Variants in GFM1 observed in about 807,000 individuals in gnomAD.
GFM1 encodes G elongation factor mitochondrial 1.
A neutral mutation model predicts 96.2 loss-of-function variants in GFM1; 62 were observed. The observed-to-expected ratio is 0.64, with a 90% CI of 0.53 to 0.80. GFM1 has a LOEUF of 0.80. Ranked by LOEUF, GFM1 falls within the 30% of genes least tolerant of loss-of-function variation. The pLI, the probability that GFM1 is intolerant of heterozygous loss-of-function variation, is 0.00. For missense variants in GFM1, 852 were observed against 916.6 expected (o/e 0.93, Z 0.91); for synonymous variants, 282 against 312.9 (o/e 0.90, Z 1.04).
intron 2 of GFM1, 150 bp downstream of exon 2, chr3:158,645,931 T>A: frequency 1.2e-6 from 1 of 867,758 alleles, no homozygotes; most frequent in Non-Finnish European, 1.9e-6. Context: ...TTGCTTAAGT[T>A]AAGTATCTGT....
chr3:158,676,275 A>T (rs896983309), intron 13 of GFM1, among the ~76,000 whole-genome samples: 1 of 152,128 alleles, frequency 6.6e-6, no homozygotes, highest in Admixed American at 6.5e-5. Flanking sequence ...TCAAAAAAAA[A>T]TTTTAGCTTG....
intron 13 of GFM1, chr3:158,671,081 T>C: frequency 1.4e-6 from 2 of 1,397,744 alleles, no homozygotes; most frequent in Non-Finnish European, 1.9e-6. Context: ...ACTTGCATTG[T>C]TAGAAGTATG....
intron 11 of GFM1, 34 bp downstream of exon 11, chr3:158,662,718 A>G (rs780246637): frequency 3.0e-5 from 39 of 1,315,642 alleles, no homozygotes; most frequent in Admixed American, 2.9e-4. Context: ...GTATATCACA[A>G]TTAAAACTTG....
chr3:158,644,591 C>G lies in GFM1; in HGVS notation c.-44C>G, dbSNP rs749029419. 1 of 1,523,484 alleles carries G rather than the reference C, an allele frequency of 6.6e-7. No homozygotes were observed. The highest frequency in any genetic ancestry group is 8.9e-7 in the Non-Finnish European group (1 of 1,123,064). The allele number at this position is 1,523,484 out of a possible 1,614,324, so 94.4% of individuals were successfully genotyped here. On this transcript the variant is annotated 5_prime_UTR_variant, in exon 1 of 18. Transcript: ENST00000486715. ...TCCCGGTGCGTTACCGGCAGCTGAA[C>G]CCACCCGGCGCCACGGGACTTTGAC...
chr3:158,682,921 G>C (rs375105351), intron 14 of GFM1, among the ~76,000 whole-genome samples: 5 of 152,008 alleles, frequency 3.3e-5, no homozygotes, highest in African/African-American at 1.2e-4. Context: ...TGTAGTCCCA[G>C]CTGCTCTGGA....
intron 15 of GFM1, 189 bp downstream of exon 15, chr3:158,684,857 A>G: frequency 3.3e-6 from 2 of 599,958 alleles, no homozygotes; most frequent in South Asian, 2.0e-5. Flanking sequence ...TTGCAAAGCT[A>G]AAAGACTACT....
chr3:158,674,862 G>T (rs1413720920), intron 13 of GFM1, among the ~76,000 whole-genome samples: 1 of 152,126 alleles, frequency 6.6e-6, no homozygotes. Context: ...GTCATTATAT[G>T]TGCAGTCCAG....
chr3:158,650,104 TTCA>T, intron 5 of GFM1: 1 of 1,456,974 alleles, frequency 6.9e-7, no homozygotes, highest in Non-Finnish European at 9.3e-7. Flanking sequence ...AGAATTTATC[TTCA>T]TCAGCCATCT....
chr3:158,649,935 C>T, intron 5 of GFM1: 2 of 1,246,040 alleles, frequency 1.6e-6, no homozygotes, highest in Non-Finnish European at 2.3e-6. Context: ...CTGATCTAGA[C>T]AATGTGAGGA....
rs1726412409 is a variant in GFM1 at position 158,692,779 on chromosome 3, C to T, written c.*1312C>T. Among the ~76,000 whole-genome samples, 2 of 151,900 alleles carry T rather than the reference C, an allele frequency of 1.3e-5. No individual in the cohort carries two copies. The highest frequency in any genetic ancestry group is 1.5e-5 in the Non-Finnish European group (1 of 67,998). On this transcript the variant is annotated 3_prime_UTR_variant, in exon 18 of 18. Coordinates refer to ENST00000486715, the MANE Select transcript of GFM1 (RefSeq NM_024996.7). Reference sequence around the variant, plus strand: ...CTATCTCTGCTCACTACAACCTCTGCTTCCTGGGTTCAAGCAATTATCCCA... The same window carrying T: ...CTATCTCTGCTCACTACAACCTCTGTTTCCTGGGTTCAAGCAATTATCCCA...
At position 158,673,046 on chromosome 3, in the gene GFM1, C is replaced by G. The variant is rs527402295; in HGVS notation, c.1601+6660C>G. 6.2e-4 allele frequency among the ~76,000 whole-genome samples: 94 copies of G among 152,254 alleles called. 1 individual carries two copies. The highest frequency in any genetic ancestry group is 2.2e-3 in the African/African-American group (91 of 41,556). On this transcript the variant is annotated intron_variant, in intron 13 of 17. Transcript: ENST00000486715. ...AGGTAGTGATTCGATTCCTTCATTT[C>G]CCTTCCCCTTATGAGAGTCCAGGAA...
At chr3:158,674,001 C>T (rs1724638960) in intron 13 of GFM1, among the ~76,000 whole-genome samples, 1 of 151,440 alleles carries the variant, frequency 6.6e-6, no homozygotes, top group African/African-American at 2.4e-5. Context: ...CATCTTGTAT[C>T]AAATGTCAAT....
intron 2 of GFM1, 46 bp from the exon 3 acceptor site, chr3:158,646,119 G>A: frequency 6.2e-7 from 1 of 1,612,572 alleles, no homozygotes; most frequent in Non-Finnish European, 8.5e-7. Context: ...TTTCCTTCTT[G>A]GAATGCAGGG....
At chr3:158,650,122 A>G in intron 5 of GFM1, 2 of 1,358,926 alleles carry the variant, frequency 1.5e-6, no homozygotes, top group Non-Finnish European at 2.0e-6. Context: ...CCATCTTGTA[A>G]GCAGGAAAAG....
intron 13 of GFM1, chr3:158,669,622 T>TC: frequency 6.2e-7 from 1 of 1,612,068 alleles, no homozygotes; most frequent in Non-Finnish European, 8.5e-7. Flanking sequence ...TGTTTGAAAT[T>TC]TAGCAAAATA....
chr3:158,681,917 G>A (rs558275501), intron 13 of GFM1, 78 bp from the exon 14 acceptor site: 13 of 1,158,186 alleles, frequency 1.1e-5, no homozygotes, highest in East Asian at 2.6e-5. Context: ...AATCAAATGT[G>A]TTCTTTTAAA....
intron 1 of GFM1, 33 bp from the exon 2 acceptor site, chr3:158,645,596 G>T (rs759989574): frequency 6.4e-7 from 1 of 1,569,542 alleles, no homozygotes; most frequent in East Asian, 2.2e-5. Context: ...CTTATAAAAG[G>T]TGCATAGAAT....
At chr3:158,654,871 G>C (rs1385812073) in intron 8 of GFM1, among the ~76,000 whole-genome samples, 1 of 152,116 alleles carries the variant, frequency 6.6e-6, no homozygotes, top group Non-Finnish European at 1.5e-5. Context: ...CATACTACCT[G>C]TATAGTTTTG....
chr3:158,666,046 T>A (rs1216664036), intron 12 of GFM1, among the ~76,000 whole-genome samples: 1 of 152,180 alleles, frequency 6.6e-6, no homozygotes, highest in Non-Finnish European at 1.5e-5. Context: ...TATTCAACAA[T>A]GGTGACGTTT....
Sources: gnomAD v4.1 joint callset for allele counts (sites outside exome capture counted in the v4.1 genomes callset) on GRCh38, gnomAD v4.1.1 for gene constraint, MANE v1.5 for transcripts, NCBI Gene and HGNC (gene_info 2026-07-23, HGNC 2026-07-21) for gene names.